Variants in CLEC16A observed in about 807,000 individuals in gnomAD.
The protein encoded by CLEC16A is protein CLEC16A.
In CLEC16A, 51 loss-of-function variants were observed where a neutral mutation model predicts 109.5. The observed-to-expected ratio is 0.47, with a 90% CI of 0.37 to 0.59. The LOEUF (loss-of-function observed/expected upper bound fraction) is 0.59, where lower values mean the gene tolerates loss of function less well. Among genes scored for constraint, CLEC16A ranks in the 20% least tolerant of loss-of-function variants. CLEC16A has a pLI of 0.00. For synonymous variants in CLEC16A, 673 were observed against 564.2 expected (o/e 1.19, Z -2.73); for missense variants, 1,339 against 1,394.0 (o/e 0.96, Z 0.63).
At chr16:11,077,471 CAAA>C (rs562378755) in intron 19 of CLEC16A, among the ~76,000 whole-genome samples, 5 of 61,300 alleles carry the variant, frequency 8.2e-5, no homozygotes, top group African/African-American at 9.8e-5. Flanking sequence ...GACTCTGTCT[CAAA>C]AAAAAAAAAA....
At chr16:11,013,529 C>G (rs2045563408) in intron 11 of CLEC16A, among the ~76,000 whole-genome samples, 1 of 152,100 alleles carries the variant, frequency 6.6e-6, no homozygotes, top group Non-Finnish European at 1.5e-5. Context: ...CTTTGGGAGG[C>G]CAAGGCAGGC....
chr16:11,100,674 T>C (rs559354065), intron 19 of CLEC16A, among the ~76,000 whole-genome samples: 2 of 152,344 alleles, frequency 1.3e-5, no homozygotes, highest in East Asian at 3.9e-4. Flanking sequence ...AGCTTTCTCA[T>C]GTGTAATGTG....
Position 11,124,060 on chromosome 16 carries a change from T to C in CLEC16A, c.2473+114T>C, listed in dbSNP as rs2052624748. 3.3e-5 allele frequency: 32 copies of C among 973,588 alleles called. No individual in the cohort carries two copies. The South Asian group carries it at 4.5e-4, about 14-fold the overall frequency. 60.3% of individuals were successfully genotyped at this position (973,588 alleles called of 1,614,324 possible). A position where few individuals can be genotyped will look rare whatever the true frequency, so the allele number is the denominator to read the frequency against. ...ATAGCATAGAAGAAGACACGTATGA[T>C]TCAGGAATTGTTTTATATACGAATA... On this transcript the variant is annotated intron_variant, in intron 21 of 23. Coordinates refer to ENST00000409790, the MANE Select transcript of CLEC16A (RefSeq NM_015226.3).
rs200224113 is a variant in CLEC16A, at chr16:11,042,323, C to G, written c.1730C>G (p.Ala577Gly). The G allele has an allele frequency of 1.7e-5, 27 of 1,593,212 alleles. No homozygotes were observed. Among genetic ancestry groups the G allele is most frequent in the Non-Finnish European group, 2.3e-5 (27 of 1,170,246 alleles). Residue 577 changes from alanine (A) to glycine (G), a missense_variant, in exon 15 of 24, where the codon GCT (alanine) becomes GGT (glycine). Physicochemically the swap from Ala to Gly is moderately conservative, Grantham distance 60. This residue lies in a region of CLEC16A where 1,061 missense variants were observed against 1,006.8 expected (regional missense o/e 1.05). Transcript: ENST00000409790. ...CTGAAGCAGCAAGTCCTGATGAGTG[C>G]TGGCTGCATCATGAAGGACGTGCAC... ...LLLKQQVLMSAGCIMKDVHLA... is the reference protein window; with the variant it reads ...LLLKQQVLMSGGCIMKDVHLA...
intron 19 of CLEC16A, among the ~76,000 whole-genome samples, chr16:11,087,899 T>C (rs7204099): frequency 0.43 from 65,091 of 152,104 alleles, 15,044 homozygotes; most frequent in African/African-American, 0.61. Context: ...AGGAAGTGTC[T>C]GAGAAGCTGG....
chr16:11,026,954 T>G, intron 13 of CLEC16A: 1 of 1,332,986 alleles, frequency 7.5e-7, no homozygotes, highest in African/African-American at 1.4e-5. Flanking sequence ...TATGGTCAAG[T>G]AAACAGCGCG....
chr16:11,043,928 A>G (rs2047489596), intron 15 of CLEC16A, 100 bp from the exon 16 acceptor site: 2 of 811,324 alleles, frequency 2.5e-6, no homozygotes, highest in Admixed American at 2.8e-5. Flanking sequence ...ATTAGTCCAG[A>G]TCTGTTTTAT....
At chr16:11,130,850 A>C (rs1371180799) in intron 22 of CLEC16A, among the ~76,000 whole-genome samples, 1 of 152,202 alleles carries the variant, frequency 6.6e-6, no homozygotes, top group African/African-American at 2.4e-5. Flanking sequence ...TTCCGATTTT[A>C]TCTGCGGGCC....
intron 22 of CLEC16A, among the ~76,000 whole-genome samples, chr16:11,129,464 A>G (rs8046052): frequency 0.17 from 26,433 of 152,206 alleles, 3,171 homozygotes; most frequent in African/African-American, 0.34. Context: ...GATAGCATGC[A>G]TTCTGTGGCC....
chr16:11,151,044 T>C (rs2054273642), intron 22 of CLEC16A, among the ~76,000 whole-genome samples: 1 of 152,156 alleles, frequency 6.6e-6, no homozygotes, highest in Non-Finnish European at 1.5e-5. Flanking sequence ...AATGACCCCA[T>C]TTCCAAACGA....
intron 23 of CLEC16A, among the ~76,000 whole-genome samples, chr16:11,173,394 C>T (rs773721099): frequency 6.6e-6 from 1 of 152,128 alleles, no homozygotes; most frequent in Non-Finnish European, 1.5e-5. Context: ...TTTCTCCCTT[C>T]GCAGTGAGAT....
At chr16:10,990,589 A>G (rs564349060) in intron 10 of CLEC16A, among the ~76,000 whole-genome samples, 1 of 152,346 alleles carries the variant, frequency 6.6e-6, no homozygotes, top group Admixed American at 6.5e-5. Flanking sequence ...GCCAATTGGT[A>G]ACAATGGAGT....
At chr16:11,165,007 C>T (rs1473524849) in intron 22 of CLEC16A, among the ~76,000 whole-genome samples, 1 of 152,148 alleles carries the variant, frequency 6.6e-6, no homozygotes, top group Non-Finnish European at 1.5e-5. Flanking sequence ...GAGATCCCCT[C>T]TCTCAGCTGG....
chr16:11,156,563 T>C (rs1440715769), intron 22 of CLEC16A: 1 of 1,302,660 alleles, frequency 7.7e-7, no homozygotes, highest in Non-Finnish European at 1.0e-6. Context: ...TTCCTCCTGC[T>C]GCCGTTTCAG....
In CLEC16A at chr16:10,961,162, G is replaced by T. The variant is rs1437014979; in HGVS notation, c.210-1293G>T. On this transcript the variant is annotated intron_variant, in intron 2 of 23. Transcript: ENST00000409790. The surrounding 1 kb of genome is among the most constrained non-coding windows in gnomAD (Gnocchi z 4.3). ...CCCTTAGGAGTCACTGATTTATGCA[G>T]CTTGAACTGAAGGTAGACAAAAATA... 2.0e-5 allele frequency among the ~76,000 whole-genome samples: 3 copies of T among 152,198 alleles called. No individual in the cohort carries two copies. The highest frequency in any genetic ancestry group is 7.2e-5 in the African/African-American group (3 of 41,452).
intron 20 of CLEC16A, among the ~76,000 whole-genome samples, chr16:11,121,315 A>C (rs2052394669): frequency 1.3e-5 from 2 of 152,182 alleles, no homozygotes; most frequent in African/African-American, 4.8e-5. Flanking sequence ...CTGCTATTTC[A>C]GCAGACGGTG....
At chr16:11,129,033 C>T (rs2053018460) in intron 22 of CLEC16A, among the ~76,000 whole-genome samples, 1 of 152,120 alleles carries the variant, frequency 6.6e-6, no homozygotes, top group African/African-American at 2.4e-5. Context: ...CTGTGAGATC[C>T]GGCCCCAACT....
At chr16:10,987,778 G>C (rs558917788) in intron 10 of CLEC16A, among the ~76,000 whole-genome samples, 15 of 152,216 alleles carry the variant, frequency 9.9e-5, no homozygotes, top group African/African-American at 3.6e-4. Flanking sequence ...TGCCCAACTC[G>C]GATGTGGTTT....
intron 3 of CLEC16A, among the ~76,000 whole-genome samples, chr16:10,968,019 C>CT (rs2042595765): frequency 1.3e-5 from 2 of 152,240 alleles, no homozygotes; most frequent in Non-Finnish European, 2.9e-5. Flanking sequence ...GGACAAGACT[C>CT]TGAGTAGCGA....
Sources: allele counts gnomAD v4.1 joint callset (sites outside exome capture counted in the v4.1 genomes callset), GRCh38; gene constraint gnomAD v4.1.1; regional missense constraint gnomAD v4.1.1; non-coding constraint Gnocchi (gnomAD v3.1); transcripts MANE v1.5; gene names NCBI Gene and HGNC (gene_info 2026-07-23, HGNC 2026-07-21).